The following IDE variants were observed in gnomAD, a reference collection of about 807,000 sequenced individuals.
IDE encodes the protein insulin-degrading enzyme.
A neutral mutation model predicts 133.2 loss-of-function variants in IDE; 58 were observed. The ratio of observed to expected loss-of-function variants is 0.44; its 90% CI spans 0.35 to 0.54. The LOEUF is 0.54. Among genes scored for constraint, IDE ranks in the 20% least tolerant of loss-of-function variants. IDE has a pLI of 0.00. For missense variants in IDE, 981 were observed against 1,234.0 expected (o/e 0.79, Z 3.07); for synonymous variants, 396 against 421.3 (o/e 0.94, Z 0.73).
chr10:92,573,977 T>C lies in IDE; in HGVS notation c.43A>G (p.Ser15Gly), dbSNP rs986222738. ...GCGCCGAGGACTGAGCGGAAGGTGC[T>C]GGGCAGTGCGGGGTGCAGAAGCCAC... ...LAWLLHPALP[S>G]TFRSVLGARL... The change falls in exon 1 of 25, where the codon AGC becomes GGC. Residue 15 changes from serine to glycine, a missense_variant. By Grantham distance (56) the Ser-to-Gly change is moderately conservative. Coordinates refer to ENST00000265986, the MANE Select transcript of IDE (RefSeq NM_004969.4). 5 of 1,506,236 alleles carry C rather than the reference T, an allele frequency of 3.3e-6. No homozygotes were observed. The highest frequency in any genetic ancestry group is 1.4e-5 in the African/African-American group (1 of 69,104). The allele number at this position is 1,506,236 out of a possible 1,614,324, so 93.3% of individuals were successfully genotyped here. A position where few individuals can be genotyped will look rare whatever the true frequency, so the allele number is the denominator to read the frequency against.
At chr10:92,525,596 T>C (rs1849580239) in intron 4 of IDE, among the ~76,000 whole-genome samples, 1 of 152,126 alleles carries the variant, frequency 6.6e-6, no homozygotes, top group South Asian at 2.1e-4. Context: ...CAAACTGTCA[T>C]TGTTCGTAGA....
intron 1 of IDE, among the ~76,000 whole-genome samples, chr10:92,544,747 A>G (rs1272314344): frequency 2.0e-5 from 3 of 152,236 alleles, no homozygotes; most frequent in Non-Finnish European, 2.9e-5. Context: ...TTCTGCATAT[A>G]AAACACAGGT....
chr10:92,471,879 T>G (rs1431709397), intron 17 of IDE, among the ~76,000 whole-genome samples: 3 of 152,070 alleles, frequency 2.0e-5, no homozygotes, highest in African/African-American at 7.2e-5. Context: ...TTGTATTTTT[T>G]GTAGAGATGG....
intron 1 of IDE, among the ~76,000 whole-genome samples, chr10:92,568,773 G>A (rs769391372): frequency 6.6e-6 from 1 of 151,800 alleles, no homozygotes; most frequent in African/African-American, 2.4e-5. Flanking sequence ...CCGAGATTGC[G>A]CCACTGTACT....
chr10:92,456,507 G>C, intron 22 of IDE, 76 bp from the exon 23 acceptor site: 1 of 985,288 alleles, frequency 1.0e-6, no homozygotes, highest in African/African-American at 1.6e-5. Context: ...TGAAGACTAT[G>C]AAGAATCAGC....
In IDE at chr10:92,499,400, C is replaced by T. The variant is rs533027446; in HGVS notation, c.1430+5394G>A. ...CCTCAGGTGATCCACCCACTTTGGT[C>T]TCCCAAAGTGCTAGGATTATAGGCA... On this transcript the variant is annotated intron_variant, in intron 11 of 24. Coordinates refer to ENST00000265986, the MANE Select transcript of IDE (RefSeq NM_004969.4). Among the ~76,000 whole-genome samples, 470 of 151,612 alleles carry T rather than the reference C, an allele frequency of 3.1e-3. 2 individuals carry two copies. The highest frequency in any genetic ancestry group is 0.011 in the African/African-American group (450 of 41,354).
intron 18 of IDE, 26 bp from the exon 19 acceptor site, chr10:92,469,016 T>C: frequency 1.6e-6 from 2 of 1,280,270 alleles, no homozygotes; most frequent in Non-Finnish European, 2.3e-6. Context: ...TGTCCCAGCA[T>C]ATTACAAAAA....
intron 24 of IDE, 95 bp downstream of exon 24, chr10:92,455,480 CA>C: frequency 2.5e-6 from 2 of 807,176 alleles, no homozygotes; most frequent in Non-Finnish European, 4.2e-6. Flanking sequence ...GACTCCATTT[CA>C]AAAACAAAAA....
At chr10:92,547,952 T>C (rs1227484054) in intron 1 of IDE, among the ~76,000 whole-genome samples, 1 of 152,164 alleles carries the variant, frequency 6.6e-6, no homozygotes, top group African/African-American at 2.4e-5. Flanking sequence ...GTTCTCCCTA[T>C]GTTGCGCAGG....
rs775610032 is a variant in IDE, at chr10:92,475,918, A to G, written c.1961T>C (p.Ile654Thr). The G allele has an allele frequency of 2.7e-5, 41 of 1,517,572 alleles. No homozygotes were observed. The highest frequency in any genetic ancestry group is 6.2e-5 in the South Asian group (5 of 81,254). The allele number at this position is 1,517,572 out of a possible 1,614,324, so 94.0% of individuals were successfully genotyped here. A position where few individuals can be genotyped will look rare whatever the true frequency, so the allele number is the denominator to read the frequency against. Residue 654 changes from isoleucine to threonine, a missense_variant, in exon 16 of 25, where the codon ATT (isoleucine) becomes ACT (threonine). By Grantham distance (89) the Ile-to-Thr change is moderately conservative. Coordinates refer to ENST00000265986, the MANE Select transcript of IDE (RefSeq NM_004969.4). The stretch of plus-strand genomic sequence containing the variant: ...GATAATTTCAAATCTTTTTTCATCA[A>G]TCTCAAAGGTAGCCATTTTCTCAAT... ...KIIEKMATFEIDEKRFEIIKE... is the reference protein window; with the variant it reads ...KIIEKMATFETDEKRFEIIKE...
chr10:92,563,183 G>A (rs1193505550), intron 1 of IDE, among the ~76,000 whole-genome samples: 8 of 152,160 alleles, frequency 5.3e-5, no homozygotes, highest in Non-Finnish European at 7.3e-5. Flanking sequence ...CCCGGGACGC[G>A]GAGGTTGCAG....
At chr10:92,479,185 A>C (rs772244095) in intron 15 of IDE, 92 bp downstream of exon 15, 12 of 873,772 alleles carry the variant, frequency 1.4e-5, no homozygotes, top group Non-Finnish European at 2.1e-5. Flanking sequence ...AAAAAAAAGA[A>C]ATTAAACTCA....
Position 92,463,977 on chromosome 10 carries a change from G to A in IDE, c.2515C>T (p.Arg839Ter), listed in dbSNP as rs199882899. The A allele has an allele frequency of 6.2e-7, 1 of 1,613,732 alleles. No homozygotes were observed. Among genetic ancestry groups the A allele is most frequent in the African/African-American group, 1.3e-5 (1 of 75,034 alleles). ...LGYIVFSGPR[R>*]ANGIQGLRFI... ...CTCAAGCCCTGTATGCCATTAGCTC[G>A]ACGTGGCCCGCTGAAGACGATATAG... Residue 839 changes from arginine (R) to a stop codon, truncating the protein, a stop_gained, in exon 21 of 25, where the codon CGA (arginine) becomes TGA (stop). Coordinates refer to ENST00000265986, the MANE Select transcript of IDE (RefSeq NM_004969.4). LOFTEE classifies it high-confidence loss of function.
chr10:92,510,250 G>A, intron 5 of IDE, 88 bp from the exon 6 acceptor site: 1 of 659,468 alleles, frequency 1.5e-6, no homozygotes, highest in Non-Finnish European at 2.7e-6. Context: ...CTCCTGAAAA[G>A]TCTCAGTACT....
intron 2 of IDE, among the ~76,000 whole-genome samples, chr10:92,536,126 T>C (rs912243047): frequency 5.3e-5 from 8 of 151,962 alleles, no homozygotes; most frequent in African/African-American, 1.7e-4. Flanking sequence ...CTCTCGCCTA[T>C]AATCCCAACA....
At chr10:92,488,903 G>C (rs921888261) in intron 12 of IDE, among the ~76,000 whole-genome samples, 11 of 118,000 alleles carry the variant, frequency 9.3e-5, no homozygotes, top group Admixed American at 7.6e-4. Context: ...ACTGATTGTT[G>C]AACCTAATTT....
intron 17 of IDE, among the ~76,000 whole-genome samples, chr10:92,471,522 G>C (rs942896004): frequency 2.6e-5 from 4 of 152,124 alleles, no homozygotes; most frequent in Admixed American, 6.6e-5. Flanking sequence ...TTCCAAAGTG[G>C]ATGTTCATTC....
chr10:92,555,087 G>A (rs1357673196), intron 1 of IDE, among the ~76,000 whole-genome samples: 1 of 152,164 alleles, frequency 6.6e-6, no homozygotes, highest in Non-Finnish European at 1.5e-5. Flanking sequence ...ATTCAGCAGT[G>A]AAAAGCTGAA....
At chr10:92,474,985 T>C (rs753592911) in intron 16 of IDE, 24 bp from the exon 17 acceptor site, 71 of 1,570,322 alleles carry the variant, frequency 4.5e-5, no homozygotes, top group Non-Finnish European at 6.1e-5. Flanking sequence ...CATGCGTTCA[T>C]TAATTTTATA....
Sources: allele counts gnomAD v4.1 joint callset (sites outside exome capture counted in the v4.1 genomes callset), GRCh38; gene constraint gnomAD v4.1.1; transcripts MANE v1.5; gene names NCBI Gene and HGNC (gene_info 2026-07-23, HGNC 2026-07-21).